Variants in PTPRB observed in about 807,000 individuals in gnomAD.
PTPRB encodes the protein receptor-type tyrosine-protein phosphatase beta.
Under a neutral mutation model 238.1 loss-of-function variants are expected in PTPRB, and 97 were observed. The ratio of observed to expected loss-of-function variants is 0.41; its 90% CI spans 0.35 to 0.48. The LOEUF is 0.48. PTPRB is among the 20% of genes least tolerant of loss of function. The pLI, the probability that PTPRB is intolerant of heterozygous loss-of-function variation, is 0.30. For synonymous variants in PTPRB, 970 were observed against 995.4 expected (o/e 0.97, Z 0.48); for missense variants, 2,292 against 2,681.9 (o/e 0.85, Z 3.21).
Position 70,524,555 on chromosome 12 carries a change from C to T in PTPRB, c.6541G>A (p.Val2181Ile), listed in dbSNP as rs1293785543. The change falls in exon 33 of 34, where the codon GTC (valine) becomes ATC (isoleucine). Residue 2181 changes from valine (V) to isoleucine (I), a missense_variant. By Grantham distance (29) the Val-to-Ile change is conservative. Transcript: ENST00000334414. ...YVYLHQCVRD[V>I]LRARKLRSEQ... ...CTCCGTAGCTTTCTTGCTCTGAGGA[C>T]ATCTCTTACACACTGATGTAGGTAG... 3 of 1,613,010 alleles carry T rather than the reference C, an allele frequency of 1.9e-6. No homozygotes were observed. Among genetic ancestry groups the T allele is most frequent in the Non-Finnish European group, 2.5e-6 (3 of 1,179,130 alleles).
At chr12:70,526,377 A>C (rs552889803) in intron 32 of PTPRB, among the ~76,000 whole-genome samples, 1 of 152,188 alleles carries the variant, frequency 6.6e-6, no homozygotes, top group Admixed American at 6.5e-5. Context: ...TAAATTAAAA[A>C]AAAATTTTTT....
Position 70,565,922 on chromosome 12 carries a change from G to A in PTPRB, c.3904+513C>T, listed in dbSNP as rs919198862. 2.4e-4 allele frequency among the ~76,000 whole-genome samples: 36 copies of A among 152,146 alleles called. 1 individual carries two copies. Among genetic ancestry groups the A allele is most frequent in the Admixed American group, 1.8e-3 (27 of 15,264 alleles). On this transcript the variant is annotated intron_variant, in intron 15 of 33. Coordinates refer to ENST00000334414, the MANE Select transcript of PTPRB (RefSeq NM_001109754.4). Reference sequence around the variant, plus strand: ...CAAGAGTCCTTAAAAGATGGAAGAGGGAGGCAGGAGAGCAGAGAAAGAGAT... The same window carrying A: ...CAAGAGTCCTTAAAAGATGGAAGAGAGAGGCAGGAGAGCAGAGAAAGAGAT...
chr12:70,609,280 G>A lies in PTPRB; in HGVS notation c.768C>T (p.Ser256=), dbSNP rs768289479. 5 of 1,613,934 alleles carry A rather than the reference G, an allele frequency of 3.1e-6. No individual in the cohort carries two copies. Among genetic ancestry groups the A allele is most frequent in the African/African-American group, 1.3e-5 (1 of 74,940 alleles). Residue 256 remains serine (S), a synonymous_variant, in exon 4 of 34, where the codon AGC becomes AGT. Transcript: ENST00000334414. ...TTCTCCACTGGATAGACACAGAATG[G>A]CTGGAGGCCTTGGACTCCGCCAGGG... The part of the protein sequence containing the change: ...NFTLAESKAS[S]HSVSIQWRIL...
intron 20 of PTPRB, 99 bp from the exon 21 acceptor site, chr12:70,553,119 A>G: frequency 1.5e-6 from 2 of 1,352,064 alleles, no homozygotes; most frequent in Non-Finnish European, 2.0e-6. Context: ...CACATCCACT[A>G]TCTCTGGCCA....
chr12:70,596,377 GA>G (rs1209587605), intron 4 of PTPRB, 50 bp from the exon 5 acceptor site: 23 of 1,272,654 alleles, frequency 1.8e-5, no homozygotes, highest in South Asian at 1.3e-4. Flanking sequence ...GAAAGAAAAA[GA>G]AAAAAAAAGA....
chr12:70,540,672 G>T (rs1177821791), intron 23 of PTPRB, 186 bp downstream of exon 23: 16 of 576,822 alleles, frequency 2.8e-5, no homozygotes, highest in Non-Finnish European at 4.6e-5. Context: ...TCATCAATGG[G>T]ATATAAAAGA....
chr12:70,596,041 G>C lies in PTPRB; in HGVS notation c.1258+8C>G. 1 of 1,580,416 alleles carries C rather than the reference G, an allele frequency of 6.3e-7. No individual in the cohort carries two copies. The highest frequency in any genetic ancestry group is 1.8e-4 in the Middle Eastern group (1 of 5,540). ...TAACTACTCAGCTATAAAATAAACA[G>C]GTCTTACCTGTTGATCCATTGGTAT... On this transcript the variant is annotated splice_region_variant and intron_variant, in intron 5 of 33. Coordinates refer to ENST00000334414, the MANE Select transcript of PTPRB (RefSeq NM_001109754.4).
intron 8 of PTPRB, among the ~76,000 whole-genome samples, chr12:70,588,042 G>A (rs914514095): frequency 6.9e-6 from 1 of 145,566 alleles, no homozygotes; most frequent in Non-Finnish European, 1.5e-5. Context: ...GTTGCAGTGA[G>A]CTGAGATGGT....
intron 23 of PTPRB, 102 bp from the exon 24 acceptor site, chr12:70,540,124 T>G: frequency 1.0e-6 from 1 of 999,724 alleles, no homozygotes; most frequent in East Asian, 2.6e-5. Context: ...AAATATGGAT[T>G]TTTCAGTATT....
intron 8 of PTPRB, among the ~76,000 whole-genome samples, chr12:70,589,069 G>A (rs375107293): frequency 6.6e-6 from 1 of 152,200 alleles, no homozygotes; most frequent in African/African-American, 2.4e-5. Flanking sequence ...TTTGAGGTGA[G>A]TGATAAAATA....
chr12:70,518,072 T>C lies in PTPRB; in HGVS notation c.*3417A>G, dbSNP rs1340219874. 1 of 152,140 alleles carries C rather than the reference T, an allele frequency of 6.6e-6. No homozygotes were observed. Among genetic ancestry groups the C allele is most frequent in the Non-Finnish European group, 1.5e-5 (1 of 68,022 alleles). 9.4% of individuals were successfully genotyped at this position (152,140 alleles called of 1,614,324 possible). On this transcript the variant is annotated 3_prime_UTR_variant, in exon 34 of 34. Coordinates refer to ENST00000334414, the MANE Select transcript of PTPRB (RefSeq NM_001109754.4). Reference sequence around the variant, plus strand: ...TTTCTTCCGAGAGGTGATTACAAAATTTATCAAAGACCCTCCCAAAGAAAA... The same window carrying C: ...TTTCTTCCGAGAGGTGATTACAAAACTTATCAAAGACCCTCCCAAAGAAAA...
At chr12:70,544,428 T>A in intron 22 of PTPRB, 129 bp downstream of exon 22, 1 of 656,608 alleles carries the variant, frequency 1.5e-6, no homozygotes, top group Non-Finnish European at 2.6e-6. Flanking sequence ...ACATCAATTT[T>A]TGGTCACATA....
Position 70,530,488 on chromosome 12 carries a change from TTACACACA to T in PTPRB, c.6504+1539_6504+1546del, listed in dbSNP as rs568161628. Among the ~76,000 whole-genome samples the T allele has an allele frequency of 9.2e-3, 1,129 of 123,192 alleles. 9 individuals carry two copies. The highest frequency in any genetic ancestry group is 0.012 in the Non-Finnish European group (762 of 61,830). 80.8% of individuals were successfully genotyped at this position (123,192 alleles called of 152,430 possible). On this transcript the variant is annotated intron_variant, in intron 32 of 33. Transcript: ENST00000334414. ...ACACATATATGCAATATGACATGTA[TTACACACA>T]TACATATATACATACACACGTGTAC... is the stretch of plus-strand genomic sequence containing the variant.
chr12:70,613,572 C>T (rs1201035017), intron 3 of PTPRB, among the ~76,000 whole-genome samples: 1 of 152,076 alleles, frequency 6.6e-6, no homozygotes, highest in East Asian at 1.9e-4. Flanking sequence ...TCTGACCTCA[C>T]AAGGAAAAAT....
chr12:70,629,383 G>T (rs1415914999), intron 2 of PTPRB, among the ~76,000 whole-genome samples: 1 of 152,150 alleles, frequency 6.6e-6, no homozygotes, highest in Non-Finnish European at 1.5e-5. Context: ...AAATAAAGAT[G>T]TTCTTTGAAA....
chr12:70,584,136 T>G (rs553442003), intron 9 of PTPRB, among the ~76,000 whole-genome samples: 32 of 152,248 alleles, frequency 2.1e-4, no homozygotes, highest in African/African-American at 7.5e-4. Context: ...CAATTAAAAT[T>G]TAAAACAGTG....
rs780717538 is a variant in PTPRB at position 70,552,890 on chromosome 12, G to A, written c.5274C>T (p.Asn1758=). 12 of 1,614,006 alleles carry A rather than the reference G, an allele frequency of 7.4e-6. No individual in the cohort carries two copies. The highest frequency in any genetic ancestry group is 2.2e-5 in the South Asian group (2 of 91,082). Residue 1758 remains asparagine, a synonymous_variant, in exon 21 of 34, where the codon AAC becomes AAT. Transcript: ENST00000334414. ...ASKCAENPNS[N]SKSFNIKLGA... ...CAAGCTTAATGTTAAAACTCTTGGA[G>A]TTGCTGTTAGGATTTTCGGCACATT...
At chr12:70,551,783 T>A (rs1019818820) in intron 21 of PTPRB, among the ~76,000 whole-genome samples, 3 of 152,106 alleles carry the variant, frequency 2.0e-5, no homozygotes, top group Non-Finnish European at 4.4e-5. Flanking sequence ...TCCCTTTCTC[T>A]TGAGGATGCT....
intron 8 of PTPRB, among the ~76,000 whole-genome samples, chr12:70,588,297 C>T (rs1882144986): frequency 6.6e-6 from 1 of 152,062 alleles, no homozygotes; most frequent in African/African-American, 2.4e-5. Flanking sequence ...ACATCGAGGC[C>T]TACTTCAAGT....
Sources: gnomAD v4.1 joint callset for allele counts (sites outside exome capture counted in the v4.1 genomes callset) on GRCh38, gnomAD v4.1.1 for gene constraint, MANE v1.5 for transcripts, NCBI Gene and HGNC (gene_info 2026-07-23, HGNC 2026-07-21) for gene names.